STAM: variants seen among roughly 807,000 people sequenced by gnomAD.
STAM encodes signal transducing adapter molecule 1.
Under a neutral mutation model 63.4 loss-of-function variants are expected in STAM, and 16 were observed. The ratio of observed to expected loss-of-function variants is 0.25; its 90% confidence interval spans 0.17 to 0.38. The LOEUF (loss-of-function observed/expected upper bound fraction) is 0.38. Ranked by LOEUF, STAM falls within the 10% of genes least tolerant of loss-of-function variation. The pLI is 1.00. For missense variants in STAM, 636 were observed against 657.1 expected, an observed-to-expected ratio of 0.97 and a Z score of 0.35; for synonymous variants, 238 against 223.9, an observed-to-expected ratio of 1.06 and a Z score of -0.56.
At chr10:17,704,928 TTC>T in intron 10 of STAM, 40 bp from the exon 11 acceptor site, 2 of 1,528,338 alleles carry the variant, frequency 1.3e-6, no homozygotes, top group Non-Finnish European at 1.8e-6. Context: ...ACATTTTTTT[TTC>T]TTGTACTTTC....
At chr10:17,670,354 G>A (rs1285274530) in intron 2 of STAM, among the ~76,000 whole-genome samples, 4 of 152,170 alleles carry the variant, frequency 2.6e-5, no homozygotes, top group Admixed American at 2.0e-4. Flanking sequence ...GATTTTTAAT[G>A]TGACTTGTCT....
At chr10:17,659,950 G>A (rs1834096237) in intron 1 of STAM, among the ~76,000 whole-genome samples, 1 of 151,974 alleles carries the variant, frequency 6.6e-6, no homozygotes, top group Non-Finnish European at 1.5e-5. Flanking sequence ...ATAAACAACA[G>A]GCAGTTATTT....
Position 17,704,413 on chromosome 10 carries a change from A to G in STAM, c.913-18A>G. On this transcript the variant is annotated intron_variant, in intron 9 of 13. Coordinates refer to ENST00000377524, the MANE Select transcript of STAM (RefSeq NM_003473.4). ...TAAAGGTTGGTAGCTTTTTATATTAACTACTTAATTCCTGTAGGATAAAAT... is the reference window on the plus strand; with the variant it reads ...TAAAGGTTGGTAGCTTTTTATATTAGCTACTTAATTCCTGTAGGATAAAAT... 1 of 1,605,158 alleles carries G rather than the reference A, an allele frequency of 6.2e-7. No homozygotes were observed. Among genetic ancestry groups the G allele is most frequent in the Non-Finnish European group, 8.5e-7 (1 of 1,173,320 alleles).
intron 2 of STAM, among the ~76,000 whole-genome samples, chr10:17,675,229 G>A (rs922551901): frequency 2.7e-4 from 41 of 152,094 alleles, no homozygotes; most frequent in African/African-American, 9.6e-4. Flanking sequence ...TTTTGGCTGG[G>A]CACGTGGCTT....
At chr10:17,656,582 G>A (rs1833949772) in intron 1 of STAM, among the ~76,000 whole-genome samples, 1 of 152,162 alleles carries the variant, frequency 6.6e-6, no homozygotes, top group South Asian at 2.1e-4. Flanking sequence ...TGTTGAATCA[G>A]CCTTGCATAC....
At chr10:17,666,258 G>A (rs1265307708) in intron 2 of STAM, among the ~76,000 whole-genome samples, 1 of 152,010 alleles carries the variant, frequency 6.6e-6, no homozygotes, top group Admixed American at 6.5e-5. Context: ...TAATGGATAT[G>A]TTTTGGTACT....
In STAM at chr10:17,716,633, A is replaced by G. The variant is rs1589127328; in HGVS notation, c.*1853A>G. Among the ~76,000 whole-genome samples, 1 of 152,212 alleles carries G rather than the reference A, an allele frequency of 6.6e-6. No homozygotes were observed. On this transcript the variant is annotated 3_prime_UTR_variant, in exon 14 of 14. Transcript: ENST00000377524. ...ATTCCTGTTTACCAATGTTAAATGT[A>G]TCATTTTCCCATTTTAATTTTGATA... is the stretch of plus-strand genomic sequence containing the variant.
rs564433711 is a variant in STAM, at chr10:17,706,614, C to T, written c.1209+873C>T. On this transcript the variant is annotated intron_variant, in intron 12 of 13. Transcript: ENST00000377524. ...CAGGTTGGCCTTGATCTCCTGACCT[C>T]GTGATCCACCCGCCTCGGCCTCCCA... Among the ~76,000 whole-genome samples the T allele has an allele frequency of 7.2e-5, 11 of 152,070 alleles. No individual in the cohort carries two copies. The South Asian group carries it at 1.0e-3, about 14-fold the overall frequency.
Position 17,697,850 on chromosome 10 carries a change from G to A in STAM, c.823+981G>A, listed in dbSNP as rs188918297. On this transcript the variant is annotated intron_variant, in intron 8 of 13. Transcript: ENST00000377524. ...TTATTTGGCAAAATATCTCATTATC[G>A]TTTTTTAATGCTAGATAGAAGGGAT... Among the ~76,000 whole-genome samples the A allele has an allele frequency of 2.0e-3, 297 of 151,988 alleles. 2 individuals are homozygous for A. Among genetic ancestry groups the A allele is most frequent in the African/African-American group, 6.7e-3 (279 of 41,474 alleles).
chr10:17,677,865 A>AT lies in STAM; in HGVS notation c.126-6803dup, dbSNP rs558083056. ...TTTTTCTATATAATTATTAAAAAGG[A>AT]TTTTTTTGTATTTATTACAGTGCTA... On this transcript the variant is annotated intron_variant, in intron 2 of 13. Coordinates refer to ENST00000377524, the MANE Select transcript of STAM (RefSeq NM_003473.4). Among the ~76,000 whole-genome samples the AT allele has an allele frequency of 4.7e-4, 72 of 152,166 alleles. No individual in the cohort carries two copies. The East Asian group carries it at 7.0e-3, about 15-fold the overall frequency.
At chr10:17,704,407 A>C (rs782084768) in intron 9 of STAM, 24 bp from the exon 10 acceptor site, 3 of 1,598,266 alleles carry the variant, frequency 1.9e-6, no homozygotes, top group Non-Finnish European at 2.6e-6. Flanking sequence ...GTAGCTTTTT[A>C]TATTAACTAC....
intron 2 of STAM, among the ~76,000 whole-genome samples, chr10:17,677,936 G>T (rs184042187): frequency 6.9e-4 from 105 of 151,668 alleles, no homozygotes; most frequent in Non-Finnish European, 1.2e-3. Flanking sequence ...GGGCTCATTG[G>T]AGTTCAAATT....
At chr10:17,645,672 G>C (rs1195047707) in intron 1 of STAM, among the ~76,000 whole-genome samples, 1 of 152,106 alleles carries the variant, frequency 6.6e-6, no homozygotes, top group African/African-American at 2.4e-5. Context: ...GCAGTGGACA[G>C]AACCTTGGAG....
intron 1 of STAM, among the ~76,000 whole-genome samples, chr10:17,660,046 T>C (rs1834099744): frequency 6.7e-6 from 1 of 148,818 alleles, no homozygotes; most frequent in South Asian, 2.1e-4. Flanking sequence ...CTCTCCATAT[T>C]ATCAAAAAAA....
At chr10:17,666,642 C>T (rs1164987321) in intron 2 of STAM, among the ~76,000 whole-genome samples, 2 of 152,096 alleles carry the variant, frequency 1.3e-5, no homozygotes, top group Non-Finnish European at 2.9e-5. Flanking sequence ...TGTGATCTGC[C>T]CGCCTTGGCC....
chr10:17,667,907 G>C (rs1221588869), intron 2 of STAM, among the ~76,000 whole-genome samples: 1 of 151,988 alleles, frequency 6.6e-6, no homozygotes, highest in Non-Finnish European at 1.5e-5. Flanking sequence ...GCAGAAGTCA[G>C]TTGCCCTGAA....
intron 1 of STAM, among the ~76,000 whole-genome samples, chr10:17,657,756 A>G (rs1554822333): frequency 6.6e-6 from 1 of 151,960 alleles, no homozygotes; most frequent in Non-Finnish European, 1.5e-5. Context: ...AGAGTTGTTC[A>G]TAATATTCCT....
Position 17,644,237 on chromosome 10 carries a change from C to T in STAM, c.-103C>T, listed in dbSNP as rs782490692. The T allele has an allele frequency of 7.2e-5, 92 of 1,277,668 alleles. No individual in the cohort carries two copies. Among genetic ancestry groups the T allele is most frequent in the Non-Finnish European group, 9.5e-5 (84 of 885,678 alleles). The allele number at this position is 1,277,668 out of a possible 1,614,324, so 79.1% of individuals were successfully genotyped here. ...CTGTCGCGGACCCTGTAGAGTCGGT[C>T]TCTGTTGCTCTTTTTGCCTGAGGAG... On this transcript the variant is annotated 5_prime_UTR_variant, in exon 1 of 14. Coordinates refer to ENST00000377524, the MANE Select transcript of STAM (RefSeq NM_003473.4).
intron 4 of STAM, among the ~76,000 whole-genome samples, chr10:17,685,713 A>G (rs377163011): frequency 1.3e-5 from 2 of 152,180 alleles, no homozygotes; most frequent in Admixed American, 1.3e-4. Flanking sequence ...GGTGGAAAAC[A>G]TGCAGCTGGC....
Sources: allele counts gnomAD v4.1 joint callset (sites outside exome capture counted in the v4.1 genomes callset), GRCh38; gene constraint gnomAD v4.1.1; transcripts MANE v1.5; gene names NCBI Gene and HGNC (gene_info 2026-07-23, HGNC 2026-07-21).